Variants in CNBD1 observed in about 807,000 individuals in gnomAD.
CNBD1 encodes cyclic nucleotide-binding domain-containing protein 1.
In CNBD1, 71 loss-of-function variants were observed where a neutral mutation model predicts 54.4. The ratio of observed to expected loss-of-function variants is 1.30; its 90% CI spans 1.08 to 1.59. CNBD1 has a LOEUF of 1.59. Ranked by LOEUF, CNBD1 falls within the 40% of genes most tolerant of loss-of-function variation. The probability of loss-of-function intolerance (pLI) is 0.00; values close to 1 mark genes in which losing one functional copy is unlikely to be tolerated. For synonymous variants in CNBD1, 182 were observed against 170.7 expected (o/e 1.07, Z -0.51); for missense variants, 659 against 518.0 (o/e 1.27, Z -2.64).
chr8:86,909,818 G>A (rs73268053), intron 3 of CNBD1, among the ~76,000 whole-genome samples: 3,023 of 152,274 alleles, frequency 0.02, 101 homozygotes, highest in African/African-American at 0.066. Flanking sequence ...ACATTCTGCC[G>A]TCAAGAAATC....
At chr8:87,421,375 T>G (rs1807933155) in intron 2 of CNBD1, among the ~76,000 whole-genome samples, 1 of 151,430 alleles carries the variant, frequency 6.6e-6, no homozygotes, top group African/African-American at 2.4e-5. Flanking sequence ...CTGCACCCAC[T>G]AACTCGTCAT....
rs36222951 is a variant in CNBD1, at chr8:87,406,447, TACACACAC to T, written c.214-22074_214-22067del. ...CTCAGTTTACATATATATGTGTGTA[TACACACAC>T]ACACACACACACACACACACACACT... On this transcript the variant is annotated intron_variant, in intron 2 of 7. Transcript: ENST00000521593. Among the ~76,000 whole-genome samples, 319 of 122,116 alleles carry T rather than the reference TACACACAC, an allele frequency of 2.6e-3. 2 individuals carry two copies. Among genetic ancestry groups the T allele is most frequent in the East Asian group, 0.014 (65 of 4,514 alleles). The allele number at this position is 122,116 out of a possible 152,430, so 80.1% of individuals were successfully genotyped here.
rs185225094 is a variant in CNBD1, at chr8:87,390,636, G to C, written c.213+36850G>C. 4.7e-3 allele frequency among the ~76,000 whole-genome samples: 716 copies of C among 152,290 alleles called. 3 individuals are homozygous for C. Among genetic ancestry groups the C allele is most frequent in the Non-Finnish European group, 8.0e-3 (543 of 68,026 alleles). On this transcript the variant is annotated intron_variant, in intron 2 of 7. Transcript: ENST00000521593. Reference sequence around the variant, plus strand: ...GGAGAAATAGGAACACTTTTGCACTGTTGGTGGGACTATAAACTAGTTCAA... The same window carrying C: ...GGAGAAATAGGAACACTTTTGCACTCTTGGTGGGACTATAAACTAGTTCAA...
chr8:87,241,421 C>T (rs774535066), intron 6 of CNBD1, among the ~76,000 whole-genome samples: 13 of 151,896 alleles, frequency 8.6e-5, no homozygotes, highest in Non-Finnish European at 1.9e-4. Flanking sequence ...CAGGGGCCTG[C>T]CACCACGCCT....
At chr8:87,101,644 C>A (rs1180674501) in intron 4 of CNBD1, among the ~76,000 whole-genome samples, 2 of 152,010 alleles carry the variant, frequency 1.3e-5, no homozygotes, top group African/African-American at 4.8e-5. Flanking sequence ...CCACATTTAT[C>A]ATATTAACAT....
intron 4 of CNBD1, among the ~76,000 whole-genome samples, chr8:87,056,681 A>G (rs1351102887): frequency 6.6e-6 from 1 of 152,120 alleles, no homozygotes; most frequent in African/African-American, 2.4e-5. Flanking sequence ...AGGTAATTAT[A>G]ATATTTTAAA....
intron 10 of CNBD1, among the ~76,000 whole-genome samples, chr8:87,354,916 A>T (rs547313940): frequency 6.6e-6 from 1 of 152,280 alleles, no homozygotes; most frequent in Middle Eastern, 3.4e-3. Context: ...TTTGGGTATA[A>T]ACCCAGTAAT....
rs774426451 is a variant in CNBD1, at chr8:87,353,640, G to T, written c.1157G>T (p.Arg386Ile). 6 of 1,571,480 alleles carry T rather than the reference G, an allele frequency of 3.8e-6. No individual in the cohort carries two copies. Among genetic ancestry groups the T allele is most frequent in the African/African-American group, 2.7e-5 (2 of 73,024 alleles). Residue 386 changes from arginine (R) to isoleucine (I), a missense_variant, in exon 10 of 11, where the codon AGA becomes ATA. Coordinates refer to ENST00000518476, the MANE Select transcript of CNBD1 (RefSeq NM_173538.3). ...AATAATATATTTTTTTAACAGAAAA[G>T]ATCTCAAAAACTTGTTTATATGGGG... ...FVKLRSNKVK[R>I]SQKLVYMGKL...
At chr8:87,321,787 T>C (rs1809540267) in intron 8 of CNBD1, among the ~76,000 whole-genome samples, 1 of 58,724 alleles carries the variant, frequency 1.7e-5, no homozygotes, top group Non-Finnish European at 4.2e-5. Flanking sequence ...CATCAGGCTT[T>C]TTTCTTTTTC....
In CNBD1 at chr8:87,419,814, C is replaced by T. The variant is rs901642335; in HGVS notation, c.214-8732C>T. ...AAATTTAAGGAAAACATGTCAATCC[C>T]ACACAAACCCTTCTAAAGGACAAGA... On this transcript the variant is annotated intron_variant, in intron 2 of 7. Coordinates refer to the CNBD1 transcript ENST00000521593. Among the ~76,000 whole-genome samples the T allele has an allele frequency of 3.3e-5, 5 of 151,754 alleles. No homozygotes were observed. The East Asian group carries it at 7.8e-4, about 24-fold the overall frequency.
At chr8:87,327,548 G>T (rs992213190) in intron 8 of CNBD1, among the ~76,000 whole-genome samples, 5 of 152,192 alleles carry the variant, frequency 3.3e-5, no homozygotes, top group Non-Finnish European at 7.3e-5. Context: ...CAATATTCGG[G>T]TGGGAGTGAC....
At chr8:87,094,227 C>T (rs1374085341) in intron 4 of CNBD1, among the ~76,000 whole-genome samples, 1 of 152,076 alleles carries the variant, frequency 6.6e-6, no homozygotes, top group Non-Finnish European at 1.5e-5. Context: ...GCTTTTTCTT[C>T]TCTCTTTCCC....
rs553744766 is a variant in CNBD1, at chr8:87,345,867, TAAG to T, written c.1043-5817_1043-5815del. Among the ~76,000 whole-genome samples the T allele has an allele frequency of 1.3e-3, 204 of 152,244 alleles. 2 individuals are homozygous for T. Among genetic ancestry groups the T allele is most frequent in the Non-Finnish European group, 2.1e-4 (14 of 68,010 alleles). On this transcript the variant is annotated intron_variant, in intron 8 of 10. Coordinates refer to ENST00000518476, the MANE Select transcript of CNBD1 (RefSeq NM_173538.3). ...TTGACTACTGAAAATAAAAAGAAGT[TAAG>T]GAGTATTTCTACCTTGCATAAAGAG...
rs1807922780 is a variant in CNBD1 at position 87,420,936 on chromosome 8, A to T, written c.214-7610A>T. Among the ~76,000 whole-genome samples the T allele has an allele frequency of 3.3e-5, 5 of 152,202 alleles. No homozygotes were observed. The South Asian group carries it at 1.0e-3, about 32-fold the overall frequency. ...ACTGATCGTGGAGTAAGCTTTCAAT[A>T]AATATTGAATTAAACTGATGACTGT... On this transcript the variant is annotated intron_variant, in intron 2 of 7. Coordinates refer to the CNBD1 transcript ENST00000521593.
intron 2 of CNBD1, among the ~76,000 whole-genome samples, chr8:87,406,490 T>G (rs1807656114): frequency 1.3e-5 from 2 of 149,436 alleles, no homozygotes. Context: ...TTTTTTTTTT[T>G]TTTTTTTGAG....
chr8:87,084,229 TA>T (rs1416767780), intron 4 of CNBD1, among the ~76,000 whole-genome samples: 1 of 152,224 alleles, frequency 6.6e-6, no homozygotes, highest in Non-Finnish European at 1.5e-5. Flanking sequence ...AAGACATTTT[TA>T]AAAAGTTTTA....
intron 8 of CNBD1, among the ~76,000 whole-genome samples, chr8:87,342,780 A>G (rs1810094000): frequency 6.6e-6 from 1 of 152,148 alleles, no homozygotes; most frequent in African/African-American, 2.4e-5. Flanking sequence ...CACATGCTTC[A>G]AAGGGCCATA....
At chr8:87,292,845 G>A (rs1246179798) in intron 8 of CNBD1, among the ~76,000 whole-genome samples, 3 of 152,122 alleles carry the variant, frequency 2.0e-5, no homozygotes, top group African/African-American at 4.8e-5. Context: ...TGTTTCACAC[G>A]TGATGAGTGG....
chr8:87,412,623 T>A (rs982087606), intron 2 of CNBD1, among the ~76,000 whole-genome samples: 1 of 152,088 alleles, frequency 6.6e-6, no homozygotes, highest in Non-Finnish European at 1.5e-5. Flanking sequence ...CACATTTGTG[T>A]TTCTTGTGTT....
Sources: gnomAD v4.1 joint callset for allele counts (sites outside exome capture counted in the v4.1 genomes callset) on GRCh38, gnomAD v4.1.1 for gene constraint, MANE v1.5 for transcripts, NCBI Gene and HGNC (gene_info 2026-07-23, HGNC 2026-07-21) for gene names.